Variants in CLEC4A observed in about 807,000 individuals in gnomAD.
CLEC4A encodes C-type (calcium dependent, carbohydrate-recognition domain) lectin, superfamily member 6.
Under a neutral mutation model 32.7 loss-of-function variants are expected in CLEC4A, and 27 were observed. The observed-to-expected ratio is 0.83, with a 90% CI of 0.61 to 1.14. CLEC4A has a LOEUF of 1.14. Among genes scored for constraint, CLEC4A ranks in the 50% most tolerant of loss-of-function variants. The probability of loss-of-function intolerance (pLI) is 0.00; values close to 1 mark genes in which losing one functional copy is unlikely to be tolerated. For synonymous variants in CLEC4A, 89 were observed against 93.7 expected (o/e 0.95, Z 0.29); for missense variants, 253 against 274.6 (o/e 0.92, Z 0.55).
chr12:8,124,504 C>G (rs1319545803), intron 1 of CLEC4A, among the ~76,000 whole-genome samples: 2 of 152,172 alleles, frequency 1.3e-5, no homozygotes, highest in African/African-American at 4.8e-5. Flanking sequence ...GAAACTTTTT[C>G]TGAAATCAGA....
At position 8,138,439 on chromosome 12, in the gene CLEC4A, A is replaced by C. The variant is rs751750829; in HGVS notation, c.*152A>C. ...TATGAGAGAATTGGTCTGTACATTG[A>C]CTGATTCACTTTTTCATAAAGTGAG... On this transcript the variant is annotated 3_prime_UTR_variant, in exon 6 of 6. Coordinates refer to ENST00000229332, the MANE Select transcript of CLEC4A (RefSeq NM_016184.4). The C allele has an allele frequency of 9.3e-5, 84 of 904,972 alleles. No homozygotes were observed. In the Admixed American group the frequency reaches 9.3e-4, roughly 10 times the overall value. The allele number at this position is 904,972 out of a possible 1,614,324, so 56.1% of individuals were successfully genotyped here.
At chr12:8,124,463 A>G (rs1191094079) in intron 1 of CLEC4A, among the ~76,000 whole-genome samples, 3 of 152,356 alleles carry the variant, frequency 2.0e-5, no homozygotes, top group East Asian at 1.9e-4. Flanking sequence ...AAGACTAGAA[A>G]GTCTACAAAG....
intron 2 of CLEC4A, among the ~76,000 whole-genome samples, chr12:8,126,028 T>C (rs1947895550): frequency 6.6e-6 from 1 of 152,226 alleles, no homozygotes; most frequent in Non-Finnish European, 1.5e-5. Flanking sequence ...CAGTCTGATT[T>C]GAATGCACAG....
chr12:8,134,980 T>TTTTGTTTTG lies in CLEC4A; in HGVS notation c.299-602_299-601insGTTTTGTTT, dbSNP rs142782059. ...GTATCTTCTTGTTGAAGCGTTTTTG[T>TTTTGTTTTG]TTTTTGTTTTTTTTTAATCATGGCT... is the stretch of plus-strand genomic sequence containing the variant. On this transcript the variant is annotated intron_variant, in intron 3 of 5. Transcript: ENST00000229332. 166 of 282,570 alleles carry TTTTGTTTTG rather than the reference T, an allele frequency of 5.9e-4. 14 individuals are homozygous for TTTTGTTTTG. Among genetic ancestry groups the TTTTGTTTTG allele is most frequent in the African/African-American group, 4.7e-3 (150 of 32,248 alleles). The allele number at this position is 282,570 out of a possible 1,614,324, so 17.5% of individuals were successfully genotyped here.
chr12:8,125,080 T>C (rs1359971381), intron 1 of CLEC4A, among the ~76,000 whole-genome samples: 1 of 152,138 alleles, frequency 6.6e-6, no homozygotes, highest in African/African-American at 2.4e-5. Context: ...TTATTTGCTA[T>C]AGCATTATTT....
upstream of CLEC4A, among the ~76,000 whole-genome samples, chr12:8,122,608 A>G (rs903035479): frequency 6.6e-6 from 1 of 152,064 alleles, no homozygotes; most frequent in Non-Finnish European, 1.5e-5. Context: ...TGGGAGATTG[A>G]CGACATCCAG....
upstream of CLEC4A, among the ~76,000 whole-genome samples, chr12:8,118,837 A>G (rs1453996640): frequency 1.3e-5 from 2 of 152,208 alleles, no homozygotes; most frequent in African/African-American, 2.4e-5. Flanking sequence ...TGGTTAGGCC[A>G]TGAGGGCTTT....
chr12:8,103,339 T>C, the CLEC4A span, among the ~76,000 whole-genome samples: 7 of 148,974 alleles, frequency 4.7e-5, no homozygotes, highest in Non-Finnish European at 7.4e-5. Flanking sequence ...TTTAACAAAC[T>C]TAAGAACTAC....
chr12:8,114,325 A>G, the CLEC4A span, among the ~76,000 whole-genome samples: 1 of 151,994 alleles, frequency 6.6e-6, no homozygotes, highest in Non-Finnish European at 1.5e-5. Context: ...GCTCACTGCA[A>G]GCTCTGCCTC....
At chr12:8,114,215 G>A in the CLEC4A span, among the ~76,000 whole-genome samples, 1 of 152,100 alleles carries the variant, frequency 6.6e-6, no homozygotes, top group Non-Finnish European at 1.5e-5. Flanking sequence ...GCTTTTTGAC[G>A]TACTTGCATT....
At chr12:8,111,901 G>T in the CLEC4A span, among the ~76,000 whole-genome samples, 4 of 150,248 alleles carry the variant, frequency 2.7e-5, no homozygotes, top group Non-Finnish European at 5.9e-5. Context: ...TACATGTGCA[G>T]GTTTGTTATG....
chr12:8,120,504 T>A (rs1184255465), upstream of CLEC4A, among the ~76,000 whole-genome samples: 3 of 152,200 alleles, frequency 2.0e-5, no homozygotes, highest in East Asian at 5.8e-4. Context: ...TGCAACATGA[T>A]GCAATATTCA....
Position 8,138,242 on chromosome 12 carries a change from T to G in CLEC4A, c.669T>G (p.Leu223=), listed in dbSNP as rs1281671514. 7 of 1,614,098 alleles carry G rather than the reference T, an allele frequency of 4.3e-6. No individual in the cohort carries two copies. Among genetic ancestry groups the G allele is most frequent in the African/African-American group, 1.3e-5 (1 of 74,940 alleles). The part of the protein sequence containing the change: ...KRWGWNDVNC[L]GPQRSVCEMM... ...GGGGCTGGAATGATGTTAATTGTCTTGGTCCTCAAAGGTCAGTTTGTGAGA... is the reference window on the plus strand; with the variant it reads ...GGGGCTGGAATGATGTTAATTGTCTGGGTCCTCAAAGGTCAGTTTGTGAGA... The change falls in exon 6 of 6, where the codon CTT becomes CTG. Residue 223 remains leucine, a synonymous_variant. Transcript: ENST00000229332.
the CLEC4A span, among the ~76,000 whole-genome samples, chr12:8,117,444 A>T: frequency 6.6e-6 from 1 of 151,996 alleles, no homozygotes. Flanking sequence ...TCACCAAGTT[A>T]GCCATGCTGG....
the CLEC4A span, among the ~76,000 whole-genome samples, chr12:8,117,380 A>G: frequency 3.9e-5 from 6 of 152,236 alleles, no homozygotes; most frequent in East Asian, 1.2e-3. Context: ...CTGGGATTAC[A>G]GGTGCTCATC....
chr12:8,125,387 G>C (rs967965875), intron 1 of CLEC4A, among the ~76,000 whole-genome samples, 174 bp from the exon 2 acceptor site: 1 of 152,078 alleles, frequency 6.6e-6, no homozygotes, highest in Non-Finnish European at 1.5e-5. Flanking sequence ...ATTTTTTAAA[G>C]TTTCTACAGT....
At chr12:8,125,030 A>T (rs1016603287) in intron 1 of CLEC4A, among the ~76,000 whole-genome samples, 3 of 152,150 alleles carry the variant, frequency 2.0e-5, no homozygotes, top group Non-Finnish European at 2.9e-5. Flanking sequence ...AAAAAGACTG[A>T]CTTTATTCTA....
At chr12:8,112,744 A>C in the CLEC4A span, among the ~76,000 whole-genome samples, 33 of 152,180 alleles carry the variant, frequency 2.2e-4, no homozygotes, top group Middle Eastern at 6.8e-3. Context: ...TATCAGATTG[A>C]GACCTAATTT....
chr12:8,103,887 A>T, the CLEC4A span, among the ~76,000 whole-genome samples: 14 of 152,140 alleles, frequency 9.2e-5, 1 homozygote, highest in Admixed American at 9.2e-4. Context: ...AGGGGTGGGG[A>T]GTGTTGCTGT....
Sources: allele counts gnomAD v4.1 joint callset (sites outside exome capture counted in the v4.1 genomes callset), GRCh38; gene constraint gnomAD v4.1.1; transcripts MANE v1.5; gene names NCBI Gene and HGNC (gene_info 2026-07-23, HGNC 2026-07-21).